The following CNTN4 variants were observed in gnomAD, a reference collection of about 807,000 sequenced individuals.
The protein encoded by CNTN4 is contactin 4.
CNTN4 carries 77 observed loss-of-function variants against 122.5 expected under a neutral mutation model. That is an observed-to-expected ratio of 0.63 (90% CI 0.52 to 0.76). The LOEUF (loss-of-function observed/expected upper bound fraction) is 0.76. Ranked by LOEUF, CNTN4 falls within the 30% of genes least tolerant of loss-of-function variation. CNTN4 has a pLI of 0.00. For synonymous variants in CNTN4, 512 were observed against 447.0 expected (o/e 1.15, Z -1.83); for missense variants, 1,256 against 1,259.1 (o/e 1.00, Z 0.04).
intron 3 of CNTN4, among the ~76,000 whole-genome samples, chr3:2,537,957 C>T (rs995229211): frequency 6.6e-6 from 1 of 151,942 alleles, no homozygotes; most frequent in Admixed American, 6.6e-5. Context: ...TGCTCCTCCC[C>T]CTACCCCCAA....
chr3:2,104,291 G>A (rs2032250523), intron 2 of CNTN4, among the ~76,000 whole-genome samples: 1 of 151,882 alleles, frequency 6.6e-6, no homozygotes, highest in African/African-American at 2.4e-5. Context: ...TAATGGGGTT[G>A]GAGGGCTGGA....
intron 4 of CNTN4, among the ~76,000 whole-genome samples, chr3:2,669,960 A>G (rs6442746): frequency 0.21 from 32,234 of 152,080 alleles, 4,034 homozygotes; most frequent in African/African-American, 0.35. Flanking sequence ...CTGACAGACA[A>G]TTTGTTATAA....
At chr3:2,452,213 T>C (rs992918442) in intron 3 of CNTN4, among the ~76,000 whole-genome samples, 1 of 152,218 alleles carries the variant, frequency 6.6e-6, no homozygotes. Context: ...AAAAGTCATT[T>C]TACTTGCCCT....
chr3:2,249,084 G>GAAACATC (rs1455293403), intron 2 of CNTN4, among the ~76,000 whole-genome samples: 1 of 151,734 alleles, frequency 6.6e-6, no homozygotes, highest in Non-Finnish European at 1.5e-5. Flanking sequence ...TACATATATT[G>GAAACATC]AAACATCACT....
chr3:3,035,285 G>A (rs562796138), intron 17 of CNTN4, among the ~76,000 whole-genome samples: 1 of 146,266 alleles, frequency 6.8e-6, no homozygotes, highest in South Asian at 2.2e-4. Context: ...TCCAGCCTGG[G>A]TGACAGTGAG....
chr3:2,511,448 C>A (rs1347620019), intron 3 of CNTN4: 2 of 152,236 alleles, frequency 1.3e-5, no homozygotes, highest in African/African-American at 4.8e-5. Flanking sequence ...GGGAACACAG[C>A]CAGGAAGCTG....
chr3:2,542,410 A>G (rs1161212779), intron 3 of CNTN4, among the ~76,000 whole-genome samples: 1 of 152,138 alleles, frequency 6.6e-6, no homozygotes, highest in African/African-American at 2.4e-5. Flanking sequence ...AGAGAACAGT[A>G]TAGATAGGAG....
At chr3:2,809,480 G>A (rs975982686) in intron 6 of CNTN4, among the ~76,000 whole-genome samples, 1 of 152,158 alleles carries the variant, frequency 6.6e-6, no homozygotes, top group Non-Finnish European at 1.5e-5. Context: ...CGTAGGCAGG[G>A]GCTGGATCCT....
chr3:2,218,605 A>C (rs2038942992), intron 2 of CNTN4, among the ~76,000 whole-genome samples: 1 of 152,220 alleles, frequency 6.6e-6, no homozygotes, highest in South Asian at 2.1e-4. Flanking sequence ...GATTGGCTTA[A>C]ATATTTGTGA....
chr3:2,103,327 G>T (rs543913698), intron 2 of CNTN4, among the ~76,000 whole-genome samples: 40 of 152,224 alleles, frequency 2.6e-4, no homozygotes, highest in Admixed American at 1.6e-3. Flanking sequence ...AAACATACTG[G>T]AATGGAATTA....
chr3:2,144,801 G>A (rs1231471739), intron 2 of CNTN4, among the ~76,000 whole-genome samples: 1 of 152,174 alleles, frequency 6.6e-6, no homozygotes, highest in Non-Finnish European at 1.5e-5. Context: ...AGCCATATCA[G>A]CTCTAAGCTT....
rs573375017 is a variant in CNTN4, at chr3:2,699,642, T to C, written c.56-36573T>C. 7.4e-4 allele frequency among the ~76,000 whole-genome samples: 112 copies of C among 152,312 alleles called. 1 individual carries two copies. The highest frequency in any genetic ancestry group is 2.6e-3 in the African/African-American group (108 of 41,574). ...TAGTGTCCGAATGGCTAGTACAGTA[T>C]GCTTCAGGTGAATTTCAGGCACTTT... On this transcript the variant is annotated intron_variant, in intron 4 of 24. Transcript: ENST00000418658.
intron 6 of CNTN4, among the ~76,000 whole-genome samples, chr3:2,772,434 G>GA (rs66588768): frequency 1.3e-5 from 2 of 150,122 alleles, no homozygotes; most frequent in Non-Finnish European, 3.0e-5. Flanking sequence ...CAGAAAGAAA[G>GA]AAAAAAAAGA....
intron 2 of CNTN4, among the ~76,000 whole-genome samples, chr3:2,197,937 C>G (rs1248024158): frequency 2.0e-5 from 3 of 151,676 alleles, no homozygotes; most frequent in Non-Finnish European, 4.4e-5. Flanking sequence ...ATCGCTTGAA[C>G]CCAGGAGGCA....
intron 3 of CNTN4, among the ~76,000 whole-genome samples, chr3:2,441,296 A>G (rs950255002): frequency 3.9e-5 from 6 of 152,226 alleles, no homozygotes; most frequent in Non-Finnish European, 8.8e-5. Context: ...TAATAAGCAC[A>G]TGTATTAATA....
chr3:2,376,883 C>T (rs2045838971), intron 3 of CNTN4, among the ~76,000 whole-genome samples: 1 of 151,980 alleles, frequency 6.6e-6, no homozygotes, highest in Non-Finnish European at 1.5e-5. Context: ...CTCAGCAGGG[C>T]GCGGTGGCTC....
chr3:2,809,388 G>A (rs1456270911), intron 6 of CNTN4, among the ~76,000 whole-genome samples: 2 of 152,194 alleles, frequency 1.3e-5, no homozygotes, highest in African/African-American at 4.8e-5. Context: ...TAGCTGCAAG[G>A]TGTTTGAAGA....
rs533654094 is a variant in CNTN4 at position 2,917,921 on chromosome 3, A to C, written c.1208-7708A>C. Among the ~76,000 whole-genome samples, 14 of 152,054 alleles carry C rather than the reference A, an allele frequency of 9.2e-5. No individual in the cohort carries two copies. The South Asian group carries it at 1.2e-3, about 14-fold the overall frequency. ...TCATGTGAGGCATTTTTTTTTTAAC[A>C]GAAGAAGAGCATTGGCACCAACAAT... On this transcript the variant is annotated intron_variant, in intron 12 of 24. Coordinates refer to ENST00000418658, the MANE Select transcript of CNTN4 (RefSeq NM_175607.3).
At chr3:2,449,682 T>C (rs183741540) in intron 3 of CNTN4, among the ~76,000 whole-genome samples, 1 of 152,040 alleles carries the variant, frequency 6.6e-6, no homozygotes. Flanking sequence ...CTTTTGGACA[T>C]ATATCCAGAA....
Sources: allele counts gnomAD v4.1 joint callset (sites outside exome capture counted in the v4.1 genomes callset), GRCh38; gene constraint gnomAD v4.1.1; transcripts MANE v1.5; gene names NCBI Gene and HGNC (gene_info 2026-07-23, HGNC 2026-07-21).